CLSTN2: variants seen among roughly 807,000 people sequenced by gnomAD.
The protein encoded by CLSTN2 is calsyntenin-2.
CLSTN2 carries 48 observed loss-of-function variants against 101.2 expected under a neutral mutation model. That is an observed-to-expected ratio of 0.47 (90% CI 0.38 to 0.60). CLSTN2 has a LOEUF of 0.60. CLSTN2 is among the 20% of genes least tolerant of loss of function. The pLI is 0.00. For missense variants in CLSTN2, 1,160 were observed against 1,238.2 expected (o/e 0.94, Z 0.95); for synonymous variants, 481 against 463.6 (o/e 1.04, Z -0.48).
At chr3:140,045,562 T>G (rs1325569168) in intron 1 of CLSTN2, among the ~76,000 whole-genome samples, 1 of 152,200 alleles carries the variant, frequency 6.6e-6, no homozygotes, top group East Asian at 1.9e-4. Flanking sequence ...TCTGCTAGCT[T>G]TTGAATGCGT....
chr3:140,104,676 T>TA (rs2107791673), intron 1 of CLSTN2, among the ~76,000 whole-genome samples: 1 of 152,276 alleles, frequency 6.6e-6, no homozygotes, highest in South Asian at 2.1e-4. Context: ...AATAAAAAAA[T>TA]ACAATTAAAA....
At position 140,230,784 on chromosome 3, in the gene CLSTN2, G is replaced by A. The variant is rs780225517; in HGVS notation, c.232+54711G>A. 8.0e-4 allele frequency among the ~76,000 whole-genome samples: 122 copies of A among 152,276 alleles called. 1 individual carries two copies. The highest frequency in any genetic ancestry group is 3.4e-3 in the Middle Eastern group (1 of 292). On this transcript the variant is annotated intron_variant, in intron 2 of 16. Coordinates refer to ENST00000458420, the MANE Select transcript of CLSTN2 (RefSeq NM_022131.3). ...TGAACCAACTGGCACAGCAATTTAA[G>A]ACACCACCTTTGGACATCATATGAA...
chr3:140,123,355 T>A (rs1458972869), intron 1 of CLSTN2, among the ~76,000 whole-genome samples: 5 of 152,044 alleles, frequency 3.3e-5, no homozygotes, highest in Non-Finnish European at 4.4e-5. Context: ...GAGATTAAGT[T>A]TCAACATGAA....
At chr3:140,435,390 AC>A (rs1250693531) in intron 5 of CLSTN2, among the ~76,000 whole-genome samples, 22 of 152,148 alleles carry the variant, frequency 1.4e-4, no homozygotes, top group African/African-American at 5.3e-4. Flanking sequence ...GTTGCAAATA[AC>A]CGGATCTCAT....
rs1294244120 is a variant in CLSTN2, at chr3:140,569,561, T to TAAAC, written c.*3310_*3313dup. The TAAAC allele has an allele frequency of 6.6e-6, 1 of 152,250 alleles. No homozygotes were observed. Among genetic ancestry groups the TAAAC allele is most frequent in the East Asian group, 1.9e-4 (1 of 5,200 alleles). The allele number at this position is 152,250 out of a possible 1,614,324, so 9.4% of individuals were successfully genotyped here. ...GTTGGTAGCCTGCCTTAAAAAATAC[T>TAAAC]AAACATATATCATCATACATTTGAT... On this transcript the variant is annotated 3_prime_UTR_variant, in exon 17 of 17. Coordinates refer to ENST00000458420, the MANE Select transcript of CLSTN2 (RefSeq NM_022131.3).
chr3:140,170,150 A>G (rs572749071), intron 1 of CLSTN2, among the ~76,000 whole-genome samples: 1 of 152,334 alleles, frequency 6.6e-6, no homozygotes, highest in East Asian at 1.9e-4. Context: ...CATTTGATGG[A>G]GTAAAAAATA....
chr3:140,284,975 G>T (rs2086882630), intron 2 of CLSTN2, among the ~76,000 whole-genome samples: 1 of 151,984 alleles, frequency 6.6e-6, no homozygotes, highest in South Asian at 2.1e-4. Context: ...TTGCATGCAG[G>T]TTTATTGCAA....
chr3:140,033,163 T>C (rs911879635), intron 1 of CLSTN2, among the ~76,000 whole-genome samples: 3 of 152,190 alleles, frequency 2.0e-5, no homozygotes, highest in African/African-American at 7.2e-5. Flanking sequence ...ACATAAAAAC[T>C]ATAGTGTGCT....
intron 1 of CLSTN2, among the ~76,000 whole-genome samples, chr3:140,019,956 C>T (rs1009411663): frequency 6.6e-6 from 1 of 152,128 alleles, no homozygotes; most frequent in Admixed American, 6.5e-5. Context: ...TTCTGTGGGG[C>T]ATGTCAAATT....
chr3:140,400,729 A>C (rs888587579), intron 2 of CLSTN2, among the ~76,000 whole-genome samples: 2 of 151,666 alleles, frequency 1.3e-5, no homozygotes, highest in Non-Finnish European at 2.9e-5. Context: ...GAGACAGAAG[A>C]GATTAAAACC....
rs1443422972 is a variant in CLSTN2 at position 140,571,692 on chromosome 3, C to T, written c.*5439C>T. 2 of 152,252 alleles carry T rather than the reference C, an allele frequency of 1.3e-5. No homozygotes were observed. Among genetic ancestry groups the T allele is most frequent in the African/African-American group, 2.4e-5 (1 of 41,474 alleles). 9.4% of individuals were successfully genotyped at this position (152,252 alleles called of 1,614,324 possible). ...GTTTTGAAGTCTACCCCAGTACCCTCATTTCCTGTCTTTATTTCCTTTACT... is the reference window on the plus strand; with the variant it reads ...GTTTTGAAGTCTACCCCAGTACCCTTATTTCCTGTCTTTATTTCCTTTACT... On this transcript the variant is annotated 3_prime_UTR_variant, in exon 17 of 17. Coordinates refer to ENST00000458420, the MANE Select transcript of CLSTN2 (RefSeq NM_022131.3).
chr3:140,144,472 C>T (rs577169338), intron 1 of CLSTN2, among the ~76,000 whole-genome samples: 13 of 151,948 alleles, frequency 8.6e-5, no homozygotes, highest in Non-Finnish European at 1.3e-4. Context: ...AAAAATTAGC[C>T]GGGCATGGTG....
intron 1 of CLSTN2, among the ~76,000 whole-genome samples, chr3:139,977,882 A>AT (rs1935847002): frequency 6.6e-6 from 1 of 152,068 alleles, no homozygotes; most frequent in South Asian, 2.1e-4. Context: ...AATTGAGATT[A>AT]TTTTTCCATG....
At chr3:140,511,907 T>C (rs983699706) in intron 8 of CLSTN2, among the ~76,000 whole-genome samples, 1 of 152,134 alleles carries the variant, frequency 6.6e-6, no homozygotes, top group Non-Finnish European at 1.5e-5. Context: ...TGAGCTTTTT[T>C]TTCATATGTT....
intron 10 of CLSTN2, among the ~76,000 whole-genome samples, chr3:140,552,014 C>T (rs1935712960): frequency 1.3e-5 from 2 of 151,984 alleles, no homozygotes; most frequent in South Asian, 4.1e-4. Flanking sequence ...TCCAAATTTA[C>T]TTAATATGGA....
intron 9 of CLSTN2, among the ~76,000 whole-genome samples, chr3:140,542,880 A>G (rs953814309): frequency 1.3e-5 from 2 of 152,184 alleles, no homozygotes; most frequent in Admixed American, 1.3e-4. Flanking sequence ...GTCTCATTCT[A>G]GGCCTGGTTG....
chr3:140,446,766 A>G (rs6439921), intron 5 of CLSTN2, among the ~76,000 whole-genome samples: 130,667 of 152,124 alleles, frequency 0.86, 56,304 homozygotes, highest in African/African-American at 0.89. Context: ...CCCCCAATGC[A>G]TTTGTCCTTG....
chr3:139,967,950 A>AG, intron 1 of CLSTN2, among the ~76,000 whole-genome samples: 1 of 152,130 alleles, frequency 6.6e-6, no homozygotes, highest in East Asian at 1.9e-4. Context: ...CACACCTCTG[A>AG]GGTCCCATAG....
At chr3:140,359,326 T>G (rs963976126) in intron 2 of CLSTN2, among the ~76,000 whole-genome samples, 1 of 152,154 alleles carries the variant, frequency 6.6e-6, no homozygotes, top group Non-Finnish European at 1.5e-5. Flanking sequence ...AGGCTTAAAT[T>G]TAAACCATGT....
Sources: allele counts gnomAD v4.1 joint callset (sites outside exome capture counted in the v4.1 genomes callset), GRCh38; gene constraint gnomAD v4.1.1; transcripts MANE v1.5; gene names NCBI Gene and HGNC (gene_info 2026-07-23, HGNC 2026-07-21).